Variants in MITF observed in about 807,000 individuals in gnomAD.
MITF encodes the protein microphthalmia-associated transcription factor.
Under a neutral mutation model 60.5 loss-of-function variants are expected in MITF, and 17 were observed. The ratio of observed to expected loss-of-function variants is 0.28; its 90% confidence interval spans 0.19 to 0.42. MITF has a LOEUF of 0.42. Ranked by LOEUF, MITF falls within the 10% of genes least tolerant of loss-of-function variation. MITF has a pLI of 1.00. For missense variants in MITF, 622 were observed against 683.5 expected (o/e 0.91, Z 1.00); for synonymous variants, 260 against 248.5 (o/e 1.05, Z -0.43).
chr3:69,843,242 G>C (rs1230100003), intron 1 of MITF, among the ~76,000 whole-genome samples: 3 of 107,316 alleles, frequency 2.8e-5, no homozygotes, highest in Non-Finnish European at 3.8e-5. Context: ...GAGGGAAGAA[G>C]GGTATGTTGT....
Position 69,964,820 on chromosome 3 carries a change from A to T in MITF, c.1180-27A>T, listed in dbSNP as rs371599077. On this transcript the variant is annotated intron_variant, in intron 9 of 9. Coordinates refer to ENST00000352241, the MANE Select transcript of MITF (RefSeq NM_001354604.2). ...AAGTCCTCTGTGCTCTGCCTATTTC[A>T]GTGTTTTATCTTTACTCTTATTATA... 60 of 1,611,840 alleles carry T rather than the reference A, an allele frequency of 3.7e-5. No homozygotes were observed. The East Asian group carries it at 1.3e-3, about 35-fold the overall frequency.
At chr3:69,805,552 A>G (rs1024504214) in intron 1 of MITF, among the ~76,000 whole-genome samples, 1 of 152,156 alleles carries the variant, frequency 6.6e-6, no homozygotes, top group Non-Finnish European at 1.5e-5. Context: ...TTTCCGCTGT[A>G]TATTACAAGG....
intron 1 of MITF, among the ~76,000 whole-genome samples, chr3:69,876,576 G>A (rs888602475): frequency 1.3e-5 from 2 of 152,116 alleles, no homozygotes; most frequent in African/African-American, 2.4e-5. Flanking sequence ...TTTTAAGTGA[G>A]TTAGAATAAT....
intron 1 of MITF, among the ~76,000 whole-genome samples, chr3:69,739,952 C>A (rs1703468142): frequency 2.0e-5 from 3 of 152,008 alleles, no homozygotes; most frequent in Admixed American, 2.0e-4. Flanking sequence ...CGTCCAGGCG[C>A]GGGGACCCTC....
At chr3:69,961,462 T>C (rs1385727806) in intron 9 of MITF, among the ~76,000 whole-genome samples, 1 of 151,836 alleles carries the variant, frequency 6.6e-6, no homozygotes, top group Non-Finnish European at 1.5e-5. Flanking sequence ...ATCCCAGCAC[T>C]TTGAGAGGCC....
rs112865270 is a variant in MITF at position 69,897,541 on chromosome 3, G to C, written c.354+18158G>C. On this transcript the variant is annotated intron_variant, in intron 2 of 9. Coordinates refer to ENST00000352241, the MANE Select transcript of MITF (RefSeq NM_001354604.2). ...AGTTTTATTAGAATACAGTCATGCT[G>C]ATTTATTTTCATAGGGTCTTTGGTT... is the stretch of plus-strand genomic sequence containing the variant. Among the ~76,000 whole-genome samples the C allele has an allele frequency of 7.6e-3, 1,163 of 152,272 alleles. 9 individuals carry two copies. Among genetic ancestry groups the C allele is most frequent in the African/African-American group, 0.026 (1,090 of 41,554 alleles).
intron 1 of MITF, among the ~76,000 whole-genome samples, chr3:69,780,719 C>G (rs2062549252): frequency 6.6e-6 from 1 of 152,166 alleles, no homozygotes; most frequent in African/African-American, 2.4e-5. Flanking sequence ...GGTAACCAGA[C>G]TAATTAGATG....
intron 2 of MITF, among the ~76,000 whole-genome samples, chr3:69,935,996 C>G (rs2065824426): frequency 6.6e-6 from 1 of 152,086 alleles, no homozygotes; most frequent in African/African-American, 2.4e-5. Flanking sequence ...TTCTTATTAT[C>G]CACATAAATA....
In MITF at chr3:69,741,053, G is replaced by C. The variant is rs562645805; in HGVS notation, c.104+1352G>C. On this transcript the variant is annotated intron_variant, in intron 1 of 9. Coordinates refer to ENST00000352241, the MANE Select transcript of MITF (RefSeq NM_001354604.2). ...AACAGCGGTCCTACTGACTGCCATT[G>C]CTGAAGACTCTTTGTAGATGCTTCA... Among the ~76,000 whole-genome samples, 5 of 152,336 alleles carry C rather than the reference G, an allele frequency of 3.3e-5. No individual in the cohort carries two copies. The East Asian group carries it at 9.6e-4, about 29-fold the overall frequency.
At chr3:69,769,691 C>G (rs974119059) in intron 1 of MITF, 1 of 152,346 alleles carries the variant, frequency 6.6e-6, no homozygotes, top group Non-Finnish European at 1.5e-5. Context: ...GCAAAGTGCA[C>G]TACAGCCCGG....
chr3:69,927,464 C>T (rs1156237415), intron 2 of MITF, among the ~76,000 whole-genome samples: 8 of 151,906 alleles, frequency 5.3e-5, no homozygotes, highest in African/African-American at 7.3e-5. Context: ...TGCAGCAAAC[C>T]GCCATGGCAA....
chr3:69,757,229 T>C, intron 1 of MITF, among the ~76,000 whole-genome samples: 1 of 152,194 alleles, frequency 6.6e-6, no homozygotes, highest in Admixed American at 6.5e-5. Context: ...TCTATCAGAA[T>C]CCATATATAT....
chr3:69,907,074 A>G (rs2065115635), intron 2 of MITF, among the ~76,000 whole-genome samples: 2 of 152,298 alleles, frequency 1.3e-5, no homozygotes, highest in Middle Eastern at 3.4e-3. Flanking sequence ...ACCCAAAGCT[A>G]CACAACCAGA....
chr3:69,825,917 A>G (rs1575773253), intron 1 of MITF, among the ~76,000 whole-genome samples: 7 of 152,180 alleles, frequency 4.6e-5, no homozygotes, highest in Admixed American at 4.6e-4. Flanking sequence ...CTTTATATTT[A>G]TATATTAAGA....
At chr3:69,781,021 G>A (rs2062554650) in intron 1 of MITF, among the ~76,000 whole-genome samples, 1 of 151,888 alleles carries the variant, frequency 6.6e-6, no homozygotes, top group Non-Finnish European at 1.5e-5. Flanking sequence ...AAATTCTCCT[G>A]TTTAGCATTC....
chr3:69,859,359 C>T (rs1268052143), intron 1 of MITF, among the ~76,000 whole-genome samples: 1 of 152,214 alleles, frequency 6.6e-6, no homozygotes, highest in East Asian at 1.9e-4. Flanking sequence ...ACCTTCTGCT[C>T]ACTCTTTGGA....
chr3:69,751,660 T>C (rs1186970503), intron 1 of MITF, among the ~76,000 whole-genome samples: 1 of 151,806 alleles, frequency 6.6e-6, no homozygotes, highest in Non-Finnish European at 1.5e-5. Flanking sequence ...TAAGTCTAAA[T>C]TTCAGAGTAA....
intron 9 of MITF, among the ~76,000 whole-genome samples, chr3:69,962,108 A>T (rs1304890366): frequency 1.3e-5 from 2 of 152,216 alleles, no homozygotes; most frequent in Non-Finnish European, 2.9e-5. Flanking sequence ...TTAGAGTGAG[A>T]TGTTTGCCTC....
Position 69,965,583 on chromosome 3 carries a change from T to A in MITF, c.*335T>A, listed in dbSNP as rs572202359. The A allele has an allele frequency of 3.8e-6, 1 of 260,080 alleles. No individual in the cohort carries two copies. Among genetic ancestry groups the A allele is most frequent in the African/African-American group, 2.2e-5 (1 of 46,030 alleles). 16.1% of individuals were successfully genotyped at this position (260,080 alleles called of 1,614,324 possible). A position where few individuals can be genotyped will look rare whatever the true frequency, so the allele number is the denominator to read the frequency against. On this transcript the variant is annotated 3_prime_UTR_variant, in exon 10 of 10. Coordinates refer to ENST00000352241, the MANE Select transcript of MITF (RefSeq NM_001354604.2). ...TATTCAGGGGAAACTTGATTTGAGA[T>A]TTTTATGCCTGTGACTTCCTTGGAA...
Sources: gnomAD v4.1 joint callset for allele counts (sites outside exome capture counted in the v4.1 genomes callset) on GRCh38, gnomAD v4.1.1 for gene constraint, MANE v1.5 for transcripts, NCBI Gene and HGNC (gene_info 2026-07-23, HGNC 2026-07-21) for gene names.